The following TRAPPC9 variants were observed in gnomAD, a reference collection of about 807,000 sequenced individuals.
TRAPPC9 encodes IKK2 binding protein.
A neutral mutation model predicts 124.0 loss-of-function variants in TRAPPC9; 83 were observed. That is an observed-to-expected ratio of 0.67 (90% CI 0.56 to 0.80). TRAPPC9 has a LOEUF of 0.80. Ranked by LOEUF, TRAPPC9 falls within the 30% of genes least tolerant of loss-of-function variation. The probability of loss-of-function intolerance (pLI) is 0.00; values close to 1 mark genes in which losing one functional copy is unlikely to be tolerated. For synonymous variants in TRAPPC9, 638 were observed against 617.5 expected, an observed-to-expected ratio of 1.03 and a Z score of -0.49; for missense variants, 1,302 against 1,508.3, an observed-to-expected ratio of 0.86 and a Z score of 2.27.
At chr8:140,361,419 G>A (rs2067949857) in intron 8 of TRAPPC9, among the ~76,000 whole-genome samples, 1 of 152,202 alleles carries the variant, frequency 6.6e-6, no homozygotes, top group East Asian at 1.9e-4. Flanking sequence ...GACATCTGGG[G>A]TGAACCCTCG....
At chr8:140,379,831 T>C (rs1300717504) in intron 7 of TRAPPC9, among the ~76,000 whole-genome samples, 1 of 152,226 alleles carries the variant, frequency 6.6e-6, no homozygotes, top group Non-Finnish European at 1.5e-5. Flanking sequence ...TAATGTAAGA[T>C]GCCTTTCTTA....
chr8:139,850,058 G>A (rs532701040), intron 21 of TRAPPC9, among the ~76,000 whole-genome samples: 1 of 152,144 alleles, frequency 6.6e-6, no homozygotes, highest in Non-Finnish European at 1.5e-5. Flanking sequence ...GCCCAACCCT[G>A]CATCTCTGTC....
intron 7 of TRAPPC9, among the ~76,000 whole-genome samples, chr8:140,386,326 C>A (rs2068754831): frequency 6.6e-6 from 1 of 152,120 alleles, no homozygotes; most frequent in Admixed American, 6.5e-5. Flanking sequence ...GGCAAACGGG[C>A]AGGAGAAAGA....
intron 17 of TRAPPC9, among the ~76,000 whole-genome samples, chr8:140,145,224 A>G (rs2061443283): frequency 6.6e-6 from 1 of 152,044 alleles, no homozygotes; most frequent in African/African-American, 2.4e-5. Context: ...TGAATTTTCC[A>G]TACTGACAAT....
chr8:139,877,889 C>T (rs1017642012), intron 21 of TRAPPC9, among the ~76,000 whole-genome samples: 11 of 152,222 alleles, frequency 7.2e-5, no homozygotes, highest in South Asian at 4.1e-4. Flanking sequence ...GAGGGTGCAG[C>T]GGAGGCTGTG....
chr8:139,902,762 C>T (rs539034509), intron 20 of TRAPPC9, among the ~76,000 whole-genome samples: 1 of 152,274 alleles, frequency 6.6e-6, no homozygotes, highest in East Asian at 1.9e-4. Flanking sequence ...AGGGTGGGCC[C>T]ACACAGCCCA....
intron 16 of TRAPPC9, among the ~76,000 whole-genome samples, chr8:140,245,952 T>C (rs1373997270): frequency 1.3e-5 from 2 of 152,236 alleles, no homozygotes; most frequent in African/African-American, 4.8e-5. Context: ...CCTCCTTATC[T>C]CCATTGTTAG....
intron 21 of TRAPPC9, among the ~76,000 whole-genome samples, chr8:139,770,858 CA>C (rs2130440810): frequency 6.6e-6 from 1 of 152,300 alleles, no homozygotes; most frequent in South Asian, 2.1e-4. Flanking sequence ...ACAGTCCCAC[CA>C]CCAGAGACCT....
At chr8:139,778,221 T>G (rs1419430024) in intron 21 of TRAPPC9, among the ~76,000 whole-genome samples, 2 of 152,154 alleles carry the variant, frequency 1.3e-5, no homozygotes, top group Non-Finnish European at 2.9e-5. Flanking sequence ...CATTTAGCTC[T>G]TGCATTAGTA....
At chr8:139,958,686 C>T (rs1467964001) in intron 19 of TRAPPC9, among the ~76,000 whole-genome samples, 3 of 152,212 alleles carry the variant, frequency 2.0e-5, no homozygotes, top group Admixed American at 1.3e-4. Context: ...CCCAGGAACA[C>T]GGTGTCTGGG....
intron 21 of TRAPPC9, among the ~76,000 whole-genome samples, chr8:139,755,518 G>C (rs71514649): frequency 7.0e-6 from 1 of 141,940 alleles, no homozygotes; most frequent in African/African-American, 2.7e-5. Flanking sequence ...ACAGCAGGTC[G>C]CAGGAGGAGC....
At chr8:140,358,126 T>C (rs1264134739) in intron 9 of TRAPPC9, among the ~76,000 whole-genome samples, 2 of 152,178 alleles carry the variant, frequency 1.3e-5, no homozygotes, top group Non-Finnish European at 2.9e-5. Context: ...GAAATCAATG[T>C]TTCCTTTAAA....
chr8:140,409,953 G>A (rs989480253), intron 5 of TRAPPC9, among the ~76,000 whole-genome samples: 3 of 151,858 alleles, frequency 2.0e-5, no homozygotes, highest in South Asian at 2.1e-4. Context: ...CCTGATCAAC[G>A]TGGCAAAATC....
intron 18 of TRAPPC9, among the ~76,000 whole-genome samples, chr8:140,019,657 A>G (rs940215425): frequency 7.1e-6 from 1 of 140,486 alleles, no homozygotes; most frequent in Non-Finnish European, 1.5e-5. Context: ...GGTTCAAGCG[A>G]TTCTCATGCC....
At chr8:140,344,183 A>C (rs914714986) in intron 9 of TRAPPC9, among the ~76,000 whole-genome samples, 12 of 152,140 alleles carry the variant, frequency 7.9e-5, no homozygotes, top group Admixed American at 7.2e-4. Flanking sequence ...CCCTTCCAGC[A>C]TGTCTCTGAG....
intron 17 of TRAPPC9, among the ~76,000 whole-genome samples, chr8:140,119,835 C>T (rs568167132): frequency 6.6e-6 from 1 of 152,150 alleles, no homozygotes; most frequent in East Asian, 1.9e-4. Flanking sequence ...CAGAAAGGAA[C>T]CCCCCTTCCT....
At chr8:139,743,078 C>T (rs572995487) in intron 21 of TRAPPC9, among the ~76,000 whole-genome samples, 8 of 152,210 alleles carry the variant, frequency 5.3e-5, no homozygotes, top group South Asian at 4.2e-4. Context: ...GTGAGGCTAC[C>T]GTGGGCTTCT....
intron 17 of TRAPPC9, among the ~76,000 whole-genome samples, chr8:140,164,703 G>T (rs542596157): frequency 1.3e-5 from 2 of 152,134 alleles, no homozygotes; most frequent in Non-Finnish European, 2.9e-5. Flanking sequence ...CAGCCTCAGC[G>T]AGTCCAGGTG....
intron 5 of TRAPPC9, among the ~76,000 whole-genome samples, chr8:140,415,539 G>C (rs2069890980): frequency 6.6e-6 from 1 of 151,734 alleles, no homozygotes; most frequent in Non-Finnish European, 1.5e-5. Context: ...CTGGGTGACA[G>C]AGTGAGTCTC....
Sources: gnomAD v4.1 joint callset for allele counts (sites outside exome capture counted in the v4.1 genomes callset) on GRCh38, gnomAD v4.1.1 for gene constraint, MANE v1.5 for transcripts, NCBI Gene and HGNC (gene_info 2026-07-23, HGNC 2026-07-21) for gene names.